The following MECOM variants were observed in gnomAD, a reference collection of about 807,000 sequenced individuals.
The protein encoded by MECOM is MDS1 and EVI1 complex locus.
Under a neutral mutation model 116.3 loss-of-function variants are expected in MECOM, and 13 were observed. The ratio of observed to expected loss-of-function variants is 0.11; its 90% confidence interval spans 0.07 to 0.18. The LOEUF is 0.18. Ranked by LOEUF, MECOM falls within the 10% of genes least tolerant of loss-of-function variation. The probability of loss-of-function intolerance (pLI) is 1.00; values close to 1 mark genes in which losing one functional copy is unlikely to be tolerated. For synonymous variants in MECOM, 528 were observed against 535.2 expected, an observed-to-expected ratio of 0.99 and a Z score of 0.19; for missense variants, 1,299 against 1,509.0, an observed-to-expected ratio of 0.86 and a Z score of 2.31.
intron 2 of MECOM, among the ~76,000 whole-genome samples, chr3:169,245,082 T>C (rs1755417117): frequency 6.6e-6 from 1 of 152,192 alleles, no homozygotes; most frequent in African/African-American, 2.4e-5. Context: ...TATGACTCCT[T>C]TATTGGTTTT....
rs149623523 is a variant in MECOM at position 169,205,185 on chromosome 3, A to G, written c.376-61353T>C. Among the ~76,000 whole-genome samples the G allele has an allele frequency of 2.4e-3, 366 of 152,284 alleles. 3 individuals carry two copies. Among genetic ancestry groups the G allele is most frequent in the African/African-American group, 8.5e-3 (355 of 41,556 alleles). On this transcript the variant is annotated intron_variant, in intron 2 of 16. Transcript: ENST00000651503. ...CTTACATGCCAAGTCTCAGCCTACA[A>G]TGAATTTTTATAAGTGAGTTATAAA...
At chr3:169,655,250 G>C (rs933034166) in intron 1 of MECOM, among the ~76,000 whole-genome samples, 1 of 152,052 alleles carries the variant, frequency 6.6e-6, no homozygotes, top group Non-Finnish European at 1.5e-5. Flanking sequence ...CAAAGGCTGG[G>C]TGTCAAAAAA....
intron 7 of MECOM, among the ~76,000 whole-genome samples, chr3:169,119,443 GA>G (rs1267122820): frequency 1.3e-5 from 2 of 152,160 alleles, no homozygotes; most frequent in African/African-American, 4.8e-5. Context: ...TATGCAATCT[GA>G]TTGGAAAGGG....
chr3:169,427,210 T>A (rs562225197), intron 1 of MECOM, among the ~76,000 whole-genome samples: 1 of 151,994 alleles, frequency 6.6e-6, no homozygotes, highest in Non-Finnish European at 1.5e-5. Flanking sequence ...AATTATGATG[T>A]TTAAATGCAT....
chr3:169,622,918 C>G (rs1218603043), intron 1 of MECOM, among the ~76,000 whole-genome samples: 1 of 152,150 alleles, frequency 6.6e-6, no homozygotes. Flanking sequence ...AATCTTTTCC[C>G]AACTCAGCTC....
chr3:169,662,824 C>T (rs947994549), intron 1 of MECOM, among the ~76,000 whole-genome samples: 12 of 152,066 alleles, frequency 7.9e-5, no homozygotes, highest in Non-Finnish European at 1.8e-4. Flanking sequence ...CTACCCTACC[C>T]AAACCCCAGA....
chr3:169,464,585 C>CA lies in MECOM; in HGVS notation c.38-83062dup, dbSNP rs148105629. On this transcript the variant is annotated intron_variant, in intron 1 of 16. Transcript: ENST00000651503. ...GATTTGAAAAAGCAAATTAGGAGGG[C>CA]ATTACATGGGGAAAAGTGGGGAAAG... is the stretch of plus-strand genomic sequence containing the variant. Among the ~76,000 whole-genome samples the CA allele has an allele frequency of 5.7e-3, 869 of 152,134 alleles. 9 individuals are homozygous for CA. Among genetic ancestry groups the CA allele is most frequent in the African/African-American group, 0.02 (836 of 41,502 alleles).
At chr3:169,114,821 CAG>C (rs1728605814) in intron 8 of MECOM, among the ~76,000 whole-genome samples, 1 of 152,050 alleles carries the variant, frequency 6.6e-6, no homozygotes. Context: ...AGCTATTAAA[CAG>C]AGACATTTTT....
chr3:169,143,752 T>G lies in MECOM; in HGVS notation c.456A>C (p.Arg152Ser). The G allele has an allele frequency of 6.2e-7, 1 of 1,611,530 alleles. No homozygotes were observed. The highest frequency in any genetic ancestry group is 8.5e-7 in the Non-Finnish European group (1 of 1,178,796). The change falls in exon 3 of 17, where the codon AGA (arginine) becomes AGC (serine). Residue 152 changes from arginine to serine, a missense_variant. By Grantham distance (110) the Arg-to-Ser change is moderately radical (BLOSUM62 -1). Coordinates refer to ENST00000651503, the MANE Select transcript of MECOM (RefSeq NM_004991.4). ...TGTGCTGATCATAACAGCCAGCGAA[T>G]CTAATGTACTTGAGCCAGCTTCCAA... ...PDVGSWLKYI[R>S]FAGCYDQHNL... is the part of the protein sequence containing the mutation.
At chr3:169,541,710 C>T (rs1265679745) in intron 1 of MECOM, among the ~76,000 whole-genome samples, 5 of 152,274 alleles carry the variant, frequency 3.3e-5, no homozygotes, top group East Asian at 1.9e-4. Flanking sequence ...CCTCACTGAG[C>T]GAGGCCTTGG....
At chr3:169,091,682 T>C (rs957087976) in intron 14 of MECOM, among the ~76,000 whole-genome samples, 14 of 152,038 alleles carry the variant, frequency 9.2e-5, no homozygotes, top group African/African-American at 2.9e-4. Flanking sequence ...TACATCCAAC[T>C]GCACACTGGT....
rs202052766 is a variant in MECOM at position 169,542,337 on chromosome 3, AG to A, written c.37+120998del. 6.7e-4 allele frequency among the ~76,000 whole-genome samples: 92 copies of A among 137,634 alleles called. 2 individuals carry two copies. In the East Asian group the frequency reaches 0.032, roughly 48 times the overall value. 90.3% of individuals were successfully genotyped at this position (137,634 alleles called of 152,430 possible). Reference sequence around the variant, plus strand: ...GTTTTGTCTTCTAGAAAAAAAAAAAAGAACAGACTTATTTTGAGCAATACGA... The same window carrying A: ...GTTTTGTCTTCTAGAAAAAAAAAAAAAACAGACTTATTTTGAGCAATACGA... On this transcript the variant is annotated intron_variant, in intron 1 of 16. Coordinates refer to ENST00000651503, the MANE Select transcript of MECOM (RefSeq NM_004991.4).
chr3:169,484,495 C>T (rs753092504), intron 1 of MECOM, among the ~76,000 whole-genome samples: 2 of 152,050 alleles, frequency 1.3e-5, no homozygotes, highest in Non-Finnish European at 2.9e-5. Flanking sequence ...GATGCTCTGC[C>T]CAATTCTAAT....
At chr3:169,275,228 G>C (rs1759434105) in intron 2 of MECOM, among the ~76,000 whole-genome samples, 1 of 152,150 alleles carries the variant, frequency 6.6e-6, no homozygotes, top group Admixed American at 6.5e-5. Context: ...ATTAAGACAA[G>C]GACTTTTAAA....
chr3:169,387,172 AG>A (rs763241609), intron 1 of MECOM, among the ~76,000 whole-genome samples: 1 of 152,194 alleles, frequency 6.6e-6, no homozygotes, highest in African/African-American at 2.4e-5. Flanking sequence ...AGGGAAAAAA[AG>A]ATTCCCTTGA....
chr3:169,132,450 C>G (rs1296227942), intron 3 of MECOM, among the ~76,000 whole-genome samples: 1 of 150,184 alleles, frequency 6.7e-6, no homozygotes, highest in African/African-American at 2.5e-5. Context: ...GCATGAAAAT[C>G]TTTAGATGTT....
intron 3 of MECOM, chr3:169,134,068 T>C (rs1560240924): frequency 1.6e-6 from 1 of 611,486 alleles, no homozygotes; most frequent in Non-Finnish European, 2.6e-6. Flanking sequence ...ACAGTGCAAT[T>C]GTCTCTATTG....
intron 2 of MECOM, among the ~76,000 whole-genome samples, chr3:169,276,344 G>T (rs570107500): frequency 1.3e-5 from 2 of 152,106 alleles, no homozygotes; most frequent in African/African-American, 4.8e-5. Flanking sequence ...CTGAGATCAG[G>T]AATTTGAGAT....
chr3:169,122,879 C>A, intron 5 of MECOM, 152 bp from the exon 6 acceptor site: 1 of 795,370 alleles, frequency 1.3e-6, no homozygotes, highest in Non-Finnish European at 2.0e-6. Context: ...TTGTGACAGA[C>A]AAAAGTGCAT....
Sources: gnomAD v4.1 joint callset for allele counts (sites outside exome capture counted in the v4.1 genomes callset) on GRCh38, gnomAD v4.1.1 for gene constraint, MANE v1.5 for transcripts, NCBI Gene and HGNC (gene_info 2026-07-23, HGNC 2026-07-21) for gene names.